ZFAND3: variants seen among roughly 807,000 people sequenced by gnomAD.
The protein encoded by ZFAND3 is AN1-type zinc finger protein 3.
ZFAND3 carries 10 observed loss-of-function variants against 29.6 expected under a neutral mutation model. That is an observed-to-expected ratio of 0.34 (90% CI 0.21 to 0.57). The LOEUF (loss-of-function observed/expected upper bound fraction) is 0.57, where lower values mean the gene tolerates loss of function less well. ZFAND3 is among the 20% of genes least tolerant of loss of function. ZFAND3 has a pLI of 0.86. For synonymous variants in ZFAND3, 128 were observed against 112.6 expected (o/e 1.14, Z -0.87); for missense variants, 230 against 304.5 (o/e 0.76, Z 1.82).
At chr6:38,035,139 T>A (rs149202886) in intron 2 of ZFAND3, among the ~76,000 whole-genome samples, 102 of 152,278 alleles carry the variant, frequency 6.7e-4, no homozygotes, top group African/African-American at 2.3e-3. Context: ...GGAAGTTTTA[T>A]ACATGCATTA....
intron 1 of ZFAND3, among the ~76,000 whole-genome samples, chr6:37,829,169 G>A (rs1763814274): frequency 6.6e-6 from 1 of 152,026 alleles, no homozygotes; most frequent in East Asian, 1.9e-4. Flanking sequence ...ATCAGCAGTG[G>A]GTTTGAGCCT....
At chr6:38,115,690 A>G (rs765334656) in intron 4 of ZFAND3, among the ~76,000 whole-genome samples, 1 of 152,216 alleles carries the variant, frequency 6.6e-6, no homozygotes, top group East Asian at 1.9e-4. Flanking sequence ...TAAGAGGTAC[A>G]TCGTGGGTAT....
chr6:38,061,745 C>A lies in ZFAND3; in HGVS notation c.265C>A (p.Leu89Met). ...CAGCCAGCAGCCGCTTCCGACAGAA[C>A]TGAATGTAACTTCACCGAGTAAAGA... ...SPSQQPLPTE[L>M]NVTSPSKEEC... is the part of the protein sequence containing the mutation. The change falls in exon 3 of 6, where the codon CTG becomes ATG. Residue 89 changes from leucine (L) to methionine (M), a missense_variant. Around this residue, in one of 2 missense-constraint regions of ZFAND3, gnomAD observed 180 missense variants for 202.5 expected, o/e 0.89. Coordinates refer to ENST00000287218, the MANE Select transcript of ZFAND3 (RefSeq NM_021943.3). 1.2e-6 allele frequency: 2 copies of A among 1,614,126 alleles called. No individual in the cohort carries two copies. Among genetic ancestry groups the A allele is most frequent in the Non-Finnish European group, 1.7e-6 (2 of 1,180,018 alleles).
chr6:38,045,341 G>A (rs768674929), intron 2 of ZFAND3, among the ~76,000 whole-genome samples: 22 of 151,878 alleles, frequency 1.4e-4, no homozygotes, highest in Non-Finnish European at 2.5e-4. Context: ...CACCCAGCTC[G>A]GCCTTCCAAA....
chr6:38,128,487 C>T lies in ZFAND3; in HGVS notation c.529+11748C>T, dbSNP rs1765679097. On this transcript the variant is annotated intron_variant, in intron 5 of 5. Transcript: ENST00000287218. ...TAGTGTTTTATCCCTCACCCCCTTC[C>T]CACCCTTTCCCCCTGAGTCTCCAAA... Among the ~76,000 whole-genome samples the T allele has an allele frequency of 3.3e-5, 5 of 152,154 alleles. 1 individual carries two copies. In the South Asian group the frequency reaches 1.0e-3, roughly 32 times the overall value.
chr6:38,091,039 C>G (rs1311620928), intron 4 of ZFAND3, among the ~76,000 whole-genome samples: 2 of 152,200 alleles, frequency 1.3e-5, no homozygotes, highest in East Asian at 1.9e-4. Flanking sequence ...GCAGGGGCTC[C>G]TCTTCTGAGA....
intron 1 of ZFAND3, among the ~76,000 whole-genome samples, chr6:37,864,779 A>G (rs1480901696): frequency 6.6e-6 from 1 of 152,082 alleles, no homozygotes; most frequent in Admixed American, 6.5e-5. Flanking sequence ...ACATGCACAC[A>G]TACACGCACA....
At chr6:37,951,424 CTA>C (rs1289672036) in intron 2 of ZFAND3, among the ~76,000 whole-genome samples, 1 of 152,054 alleles carries the variant, frequency 6.6e-6, no homozygotes, top group African/African-American at 2.4e-5. Flanking sequence ...AACCCCGTCT[CTA>C]CTAAAAATAC....
intron 4 of ZFAND3, among the ~76,000 whole-genome samples, chr6:38,083,327 A>G (rs1009198751): frequency 1.3e-5 from 2 of 152,130 alleles, no homozygotes; most frequent in Admixed American, 1.3e-4. Context: ...CAGGCACTGA[A>G]TTCTAAGGAA....
At chr6:38,140,566 T>G (rs917801909) in intron 5 of ZFAND3, among the ~76,000 whole-genome samples, 104 of 152,330 alleles carry the variant, frequency 6.8e-4, no homozygotes, top group African/African-American at 2.3e-3. Flanking sequence ...AATGGCTCAC[T>G]GCAGCCTTGA....
chr6:38,095,579 A>G (rs2127475553), intron 4 of ZFAND3, among the ~76,000 whole-genome samples: 1 of 152,270 alleles, frequency 6.6e-6, no homozygotes, highest in East Asian at 1.9e-4. Flanking sequence ...GTGACATCCT[A>G]GAATTTCCTT....
At chr6:38,088,673 C>T (rs929731103) in intron 4 of ZFAND3, among the ~76,000 whole-genome samples, 1 of 152,162 alleles carries the variant, frequency 6.6e-6, no homozygotes, top group African/African-American at 2.4e-5. Context: ...ACTTTTGCTC[C>T]GCTCTATCTA....
chr6:37,968,198 T>C (rs1762324807), intron 2 of ZFAND3, among the ~76,000 whole-genome samples: 1 of 152,086 alleles, frequency 6.6e-6, no homozygotes, highest in African/African-American at 2.4e-5. Flanking sequence ...CATTAGAGAT[T>C]TAAAAGAAAA....
intron 1 of ZFAND3, among the ~76,000 whole-genome samples, chr6:37,883,734 G>T (rs2127393100): frequency 1.4e-5 from 2 of 145,000 alleles, no homozygotes; most frequent in South Asian, 4.3e-4. Context: ...TAGAGACAAG[G>T]TTTCACCATC....
intron 1 of ZFAND3, among the ~76,000 whole-genome samples, chr6:37,919,110 C>T (rs1392768725): frequency 5.3e-5 from 8 of 152,008 alleles, no homozygotes; most frequent in South Asian, 4.1e-4. Context: ...TGCGCTACCA[C>T]GCCCAGCTAA....
intron 2 of ZFAND3, among the ~76,000 whole-genome samples, chr6:37,985,529 C>CACACACACACACACA (rs33984396): frequency 1.2e-3 from 107 of 89,750 alleles, no homozygotes; most frequent in African/African-American, 3.4e-3. Context: ...ACACACACAC[C>CACACACACACACACA]CCCACACACG....
intron 2 of ZFAND3, among the ~76,000 whole-genome samples, chr6:38,031,546 G>A (rs1264972741): frequency 6.6e-6 from 1 of 152,124 alleles, no homozygotes; most frequent in African/African-American, 2.4e-5. Context: ...TCGTGCTGGA[G>A]GAAAGTTCTC....
intron 2 of ZFAND3, among the ~76,000 whole-genome samples, chr6:38,020,747 A>G (rs960104240): frequency 1.3e-5 from 2 of 152,180 alleles, no homozygotes; most frequent in African/African-American, 4.8e-5. Flanking sequence ...TTTCTGCCAG[A>G]ATCACTTCAG....
intron 5 of ZFAND3, among the ~76,000 whole-genome samples, chr6:38,127,116 C>T (rs1463832665): frequency 2.6e-5 from 4 of 152,056 alleles, no homozygotes; most frequent in Non-Finnish European, 2.9e-5. Flanking sequence ...CTTATTGCAC[C>T]TCCAGCATAA....
Sources: gnomAD v4.1 joint callset for allele counts (sites outside exome capture counted in the v4.1 genomes callset) on GRCh38, gnomAD v4.1.1 for gene constraint, gnomAD v4.1.1 regional missense constraint, MANE v1.5 for transcripts, NCBI Gene and HGNC (gene_info 2026-07-23, HGNC 2026-07-21) for gene names.